NHEJ1: variants seen among roughly 807,000 people sequenced by gnomAD.
NHEJ1 encodes the protein non-homologous end-joining factor 1.
In NHEJ1, 22 loss-of-function variants were observed where a neutral mutation model predicts 39.4. The observed-to-expected ratio is 0.56, with a 90% CI of 0.40 to 0.80. The LOEUF (loss-of-function observed/expected upper bound fraction) is 0.80. NHEJ1 is among the 30% of genes least tolerant of loss of function. The pLI, the probability that NHEJ1 is intolerant of heterozygous loss-of-function variation, is 0.00. For synonymous variants in NHEJ1, 154 were observed against 135.6 expected, an observed-to-expected ratio of 1.14 and a Z score of -0.94; for missense variants, 329 against 357.1, an observed-to-expected ratio of 0.92 and a Z score of 0.63.
intron 5 of NHEJ1, among the ~76,000 whole-genome samples, chr2:219,141,187 C>T (rs1327184283): frequency 1.3e-5 from 2 of 152,134 alleles, no homozygotes; most frequent in East Asian, 3.9e-4. Context: ...CAAGACCAGC[C>T]TGGCCAACAT....
intron 5 of NHEJ1, among the ~76,000 whole-genome samples, chr2:219,146,457 A>G (rs927043693): frequency 1.2e-4 from 19 of 152,178 alleles, no homozygotes; most frequent in Non-Finnish European, 2.2e-4. Context: ...TGTTTTATAA[A>G]TATCAATCAG....
rs1949755133 is a variant in NHEJ1 at position 219,147,696 on chromosome 2, T to C, written c.490A>G (p.Ile164Val). 1 of 1,614,224 alleles carries C rather than the reference T, an allele frequency of 6.2e-7. No homozygotes were observed. Among genetic ancestry groups the C allele is most frequent in the East Asian group, 2.2e-5 (1 of 44,888 alleles). ...ATLLHMKDLE[I>V]QDYQESGATL... ...GCCCCACTCTCCTGGTAGTCTTGGA[T>C]CTCTAGGTCTTTCATATGAAGTAAC... Residue 164 changes from isoleucine (I) to valine (V), a missense_variant, in exon 4 of 8, where the codon ATC becomes GTC. Coordinates refer to ENST00000356853, the MANE Select transcript of NHEJ1 (RefSeq NM_024782.3).
rs1470184153 is a variant in NHEJ1 at position 219,147,613 on chromosome 2, T to C, written c.529+44A>G. On this transcript the variant is annotated intron_variant, in intron 4 of 7. Coordinates refer to ENST00000356853, the MANE Select transcript of NHEJ1 (RefSeq NM_024782.3). ...CCTCTTTGCTAAGACCCTTTGACTA[T>C]TTTTAACACGCCCCACCCAACTCCT... is the stretch of plus-strand genomic sequence containing the variant. 33 of 1,613,512 alleles carry C rather than the reference T, an allele frequency of 2.0e-5. No homozygotes were observed. The East Asian group carries it at 7.4e-4, about 36-fold the overall frequency.
chr2:219,145,584 T>C (rs1194917746), intron 5 of NHEJ1, among the ~76,000 whole-genome samples: 2 of 152,184 alleles, frequency 1.3e-5, no homozygotes, highest in African/African-American at 2.4e-5. Context: ...CAGATTATAA[T>C]AGCATTATTT....
At position 219,073,910 on chromosome 2, in the gene NHEJ1, G is replaced by A. The variant is rs1003498463; in HGVS notation, c.*2471C>T. ...TAGAGTGGGGGTTGGGCCAGGCTGG[G>A]GGCCTCAGGGAGGGGCCCAAGCCAG... On this transcript the variant is annotated 3_prime_UTR_variant, in exon 8 of 8. Transcript: ENST00000356853. 1.3e-5 allele frequency among the ~76,000 whole-genome samples: 2 copies of A among 152,248 alleles called. No homozygotes were observed. Among genetic ancestry groups the A allele is most frequent in the African/African-American group, 4.8e-5 (2 of 41,464 alleles).
intron 5 of NHEJ1, among the ~76,000 whole-genome samples, chr2:219,098,663 T>C (rs574425244): frequency 1.4e-4 from 22 of 152,228 alleles, no homozygotes; most frequent in African/African-American, 5.3e-4. Flanking sequence ...AAATTGAAAC[T>C]AGGCAGGCTG....
intron 4 of NHEJ1, 97 bp from the exon 5 acceptor site, chr2:219,146,835 G>A: frequency 1.1e-6 from 1 of 943,678 alleles, no homozygotes; most frequent in Non-Finnish European, 1.7e-6. Flanking sequence ...TTAGGAAAGA[G>A]GAGGAAGGTG....
intron 5 of NHEJ1, among the ~76,000 whole-genome samples, chr2:219,104,013 A>G (rs1949291008): frequency 6.6e-6 from 1 of 152,210 alleles, no homozygotes; most frequent in South Asian, 2.1e-4. Flanking sequence ...TAGTGTTGGG[A>G]AGAACTTATT....
At chr2:219,094,385 G>A (rs1949187802) in intron 5 of NHEJ1, among the ~76,000 whole-genome samples, 2 of 152,186 alleles carry the variant, frequency 1.3e-5, no homozygotes, top group African/African-American at 4.8e-5. Flanking sequence ...GCTGGGTGCT[G>A]GGAGAAGGGG....
chr2:219,149,427 G>A (rs572192068), intron 3 of NHEJ1, among the ~76,000 whole-genome samples: 1 of 152,012 alleles, frequency 6.6e-6, no homozygotes, highest in Non-Finnish European at 1.5e-5. Context: ...TCCAGCCTGG[G>A]AAACGTGATG....
intron 5 of NHEJ1, among the ~76,000 whole-genome samples, chr2:219,080,625 G>T (rs1165544145): frequency 1.4e-5 from 2 of 139,058 alleles, no homozygotes; most frequent in Admixed American, 7.1e-5. Context: ...TTATATATAT[G>T]CTAATATATA....
rs560391795 is a variant in NHEJ1 at position 219,113,468 on chromosome 2, G to A, written c.588+33212C>T. 4.3e-4 allele frequency among the ~76,000 whole-genome samples: 66 copies of A among 152,226 alleles called. No individual in the cohort carries two copies. In the South Asian group the frequency reaches 0.013, roughly 29 times the overall value. Reference sequence around the variant, plus strand: ...TATATATATGTATTTTTTGTAATCTGACATTTTTACCATCAAGAACTTATC... The same window carrying A: ...TATATATATGTATTTTTTGTAATCTAACATTTTTACCATCAAGAACTTATC... On this transcript the variant is annotated intron_variant, in intron 5 of 7. Transcript: ENST00000356853.
intron 5 of NHEJ1, among the ~76,000 whole-genome samples, chr2:219,132,105 G>A (rs1001123562): frequency 3.3e-5 from 5 of 152,156 alleles, no homozygotes; most frequent in South Asian, 2.1e-4. Flanking sequence ...TCAAAATTCC[G>A]TGGCTCTAAT....
intron 5 of NHEJ1, among the ~76,000 whole-genome samples, chr2:219,131,877 A>T (rs1949582113): frequency 6.6e-6 from 1 of 152,222 alleles, no homozygotes; most frequent in African/African-American, 2.4e-5. Flanking sequence ...ATTGGTCTCA[A>T]TCTTGCCTAC....
chr2:219,073,513 A>G lies in NHEJ1; in HGVS notation c.*2868T>C, dbSNP rs1423025310. ...GATGAGGCTTTCTCTCCAAGCAGGG[A>G]GCATGCCTGTCCTAGCTAACTATGG... is the stretch of plus-strand genomic sequence containing the variant. On this transcript the variant is annotated 3_prime_UTR_variant, in exon 8 of 8. Coordinates refer to ENST00000356853, the MANE Select transcript of NHEJ1 (RefSeq NM_024782.3). Among the ~76,000 whole-genome samples, 1 of 152,128 alleles carries G rather than the reference A, an allele frequency of 6.6e-6. No individual in the cohort carries two copies. The highest frequency in any genetic ancestry group is 2.4e-5 in the African/African-American group (1 of 41,426).
chr2:219,154,037 C>G (rs1233677315), intron 3 of NHEJ1, among the ~76,000 whole-genome samples: 1 of 152,160 alleles, frequency 6.6e-6, no homozygotes, highest in African/African-American at 2.4e-5. Context: ...CAACAAAAGA[C>G]TTAGGTGTCT....
chr2:219,157,989 TCTCACACACACACA>T (rs1394610065), intron 2 of NHEJ1, among the ~76,000 whole-genome samples, 183 bp downstream of exon 2: 39 of 119,152 alleles, frequency 3.3e-4, no homozygotes, highest in South Asian at 8.5e-4. Flanking sequence ...TCTCTCTCTC[TCTCACACACACACA>T]CACACACACA....
At chr2:219,153,358 A>G (rs970635005) in intron 3 of NHEJ1, among the ~76,000 whole-genome samples, 10 of 152,226 alleles carry the variant, frequency 6.6e-5, no homozygotes, top group Admixed American at 2.6e-4. Flanking sequence ...TCCAAAACCT[A>G]TCTCTTTCTT....
intron 5 of NHEJ1, among the ~76,000 whole-genome samples, chr2:219,101,908 C>T (rs566246228): frequency 1.3e-5 from 2 of 151,554 alleles, no homozygotes; most frequent in Admixed American, 6.6e-5. Flanking sequence ...TGTATTTTAG[C>T]GGAGATGGCG....
Sources: gnomAD v4.1 joint callset for allele counts (sites outside exome capture counted in the v4.1 genomes callset) on GRCh38, gnomAD v4.1.1 for gene constraint, MANE v1.5 for transcripts, NCBI Gene and HGNC (gene_info 2026-07-23, HGNC 2026-07-21) for gene names.